Variants in MAMSTR observed in about 807,000 individuals in gnomAD.
MAMSTR encodes MEF2-activating motif and SAP domain-containing transcriptional regulator.
MAMSTR carries 41 observed loss-of-function variants against 42.7 expected under a neutral mutation model. The observed-to-expected ratio is 0.96, with a 90% CI of 0.75 to 1.25. The LOEUF (loss-of-function observed/expected upper bound fraction) is 1.25, where lower values mean the gene tolerates loss of function less well. Among genes scored for constraint, MAMSTR ranks in the 50% most tolerant of loss-of-function variants. MAMSTR has a pLI of 0.00. For synonymous variants in MAMSTR, 265 were observed against 244.1 expected, an observed-to-expected ratio of 1.09 and a Z score of -0.80; for missense variants, 567 against 557.6, an observed-to-expected ratio of 1.02 and a Z score of -0.17.
Position 48,713,758 on chromosome 19 carries a change from G to A in MAMSTR, c.922C>T (p.Arg308Trp), listed in dbSNP as rs200572999. Residue 308 changes from arginine to tryptophan, a missense_variant, in exon 9 of 10, where the codon CGG becomes TGG. Physicochemically the swap from Arg to Trp is moderately radical, Grantham distance 101. Coordinates refer to ENST00000318083, the MANE Select transcript of MAMSTR (RefSeq NM_001130915.2). The part of the protein sequence containing the change: ...AIRRAQLLPN[R>W]GIDDILEDQV... ...TCCTCCAGGATGTCATCGATGCCCC[G>A]GTTAGGAAGCAACTGCGGATGGAGA... 7 of 1,614,102 alleles carry A rather than the reference G, an allele frequency of 4.3e-6. No homozygotes were observed. The highest frequency in any genetic ancestry group is 5.9e-6 in the Non-Finnish European group (7 of 1,180,048).
chr19:48,716,107 G>A (rs1229889934), intron 3 of MAMSTR, among the ~76,000 whole-genome samples: 1 of 152,100 alleles, frequency 6.6e-6, no homozygotes, highest in East Asian at 1.9e-4. Flanking sequence ...CGGCCGCGGT[G>A]GCTCACGCCT....
intron 5 of MAMSTR, 101 bp downstream of exon 5, chr19:48,715,161 T>G (rs1313429587): frequency 1.9e-6 from 2 of 1,077,084 alleles, no homozygotes; most frequent in Non-Finnish European, 2.7e-6. Context: ...GAAGAGAGGG[T>G]TGGGGGCCCC....
At position 48,715,640 on chromosome 19, in the gene MAMSTR, C is replaced by T. The variant is rs1443545368; in HGVS notation, c.225G>A (p.Trp75Ter). 1.3e-6 allele frequency: 2 copies of T among 1,542,880 alleles called. No homozygotes were observed. Among genetic ancestry groups the T allele is most frequent in the Admixed American group, 4.2e-5 (2 of 47,690 alleles). The stretch of plus-strand genomic sequence containing the variant: ...CGAGACTCACCTTCTTTGGGGACCT[C>T]CAAGGAGGACAATATTCTGGCTCGG... ...LLPEPEYCPP[W>*]RSPKKESPKI... Residue 75 changes from tryptophan to a stop codon, truncating the protein, a stop_gained, in exon 4 of 10, where the codon TGG becomes TGA. Transcript: ENST00000318083. LOFTEE classifies it high-confidence loss of function.
downstream of MAMSTR, among the ~76,000 whole-genome samples, chr19:48,710,037 T>C (rs2032700224): frequency 6.6e-6 from 1 of 151,652 alleles, no homozygotes; most frequent in Non-Finnish European, 1.5e-5. Context: ...GCCTGGCTAA[T>C]TTTTTGTATT....
downstream of MAMSTR, among the ~76,000 whole-genome samples, chr19:48,710,710 C>T (rs1304825022): frequency 6.6e-6 from 1 of 151,700 alleles, no homozygotes; most frequent in Non-Finnish European, 1.5e-5. Flanking sequence ...AATTCTCCTG[C>T]CTCAGCCTCC....
chr19:48,718,305 G>GCA (rs1465197176), intron 2 of MAMSTR, among the ~76,000 whole-genome samples: 1 of 151,644 alleles, frequency 6.6e-6, no homozygotes, highest in Non-Finnish European at 1.5e-5. Flanking sequence ...AACCACATAG[G>GCA]CACGCTCACG....
downstream of MAMSTR, among the ~76,000 whole-genome samples, chr19:48,709,354 G>T (rs1274120779): frequency 2.0e-5 from 3 of 152,014 alleles, no homozygotes; most frequent in East Asian, 5.8e-4. Flanking sequence ...CTCCATGTTG[G>T]TCAGGCTGGT....
intron 2 of MAMSTR, among the ~76,000 whole-genome samples, chr19:48,717,697 G>A (rs988112165): frequency 6.7e-6 from 1 of 148,810 alleles, no homozygotes; most frequent in Non-Finnish European, 1.5e-5. Context: ...ACCACACCCG[G>A]CTAATTATTA....
rs1568467078 is a variant in MAMSTR, at chr19:48,713,807, C to A, written c.910-37G>T. On this transcript the variant is annotated intron_variant, in intron 8 of 9. Coordinates refer to ENST00000318083, the MANE Select transcript of MAMSTR (RefSeq NM_001130915.2). ...GAAATTTGGCGTGAACTCGGGACTG[C>A]GACCTGGACCTGACTGGAGAACCCT... The A allele has an allele frequency of 3.1e-6, 5 of 1,614,206 alleles. No individual in the cohort carries two copies. In the East Asian group the frequency reaches 1.1e-4, roughly 36 times the overall value.
At chr19:48,707,961 G>A (rs1243742315), downstream of MAMSTR, among the ~76,000 whole-genome samples, 9 of 151,874 alleles carry the variant, frequency 5.9e-5, no homozygotes, top group Non-Finnish European at 1.2e-4. Context: ...GAGGCCAGGT[G>A]TGGTGACTCA....
downstream of MAMSTR, among the ~76,000 whole-genome samples, chr19:48,708,117 C>A (rs996246208): frequency 6.6e-6 from 1 of 151,704 alleles, no homozygotes; most frequent in African/African-American, 2.4e-5. Context: ...GCCTGTAATC[C>A]CAGCTACTCA....
chr19:48,711,176 C>CTCTTT (rs2032718552), downstream of MAMSTR, among the ~76,000 whole-genome samples: 1 of 152,220 alleles, frequency 6.6e-6, no homozygotes, highest in African/African-American at 2.4e-5. Context: ...GTGCCAGTTT[C>CTCTTT]AAGCCTAGTC....
chr19:48,713,328 GAGA>G lies in MAMSTR; in HGVS notation c.1184_1186del (p.Phe395del). 6.2e-7 allele frequency: 1 copy of G among 1,608,588 alleles called. No individual in the cohort carries two copies. The highest frequency in any genetic ancestry group is 8.5e-7 in the Non-Finnish European group (1 of 1,178,598). ...GCTGCTGGAGTCAGATAAGTCAGCG[GAGA>G]AGATGCTGGGGGGTGGGGGACCAGA... On this transcript the variant is annotated inframe_deletion, in exon 10 of 10. Coordinates refer to ENST00000318083, the MANE Select transcript of MAMSTR (RefSeq NM_001130915.2).
Position 48,713,557 on chromosome 19 carries a change from G to A in MAMSTR, c.965-7C>T, listed in dbSNP as rs1410059356. 9.9e-6 allele frequency: 16 copies of A among 1,608,798 alleles called. No homozygotes were observed. Among genetic ancestry groups the A allele is most frequent in the Middle Eastern group, 1.7e-4 (1 of 5,718 alleles). ...GGAATAGGGGGCAGGGGGTCTGCGGGATAAAGAATGGTACATGAGCTTGGA... is the reference window on the plus strand; with the variant it reads ...GGAATAGGGGGCAGGGGGTCTGCGGAATAAAGAATGGTACATGAGCTTGGA... On this transcript the variant is annotated splice_polypyrimidine_tract_variant and splice_region_variant and intron_variant, in intron 9 of 9. Transcript: ENST00000318083.
At chr19:48,707,130 A>G in the MAMSTR span, among the ~76,000 whole-genome samples, 275 of 146,236 alleles carry the variant, frequency 1.9e-3, 2 homozygotes, top group African/African-American at 6.8e-3. Context: ...AAAATCGAAA[A>G]GATACAGGCC....
chr19:48,714,614 A>G, intron 6 of MAMSTR, 54 bp from the exon 7 acceptor site: 3 of 1,427,982 alleles, frequency 2.1e-6, no homozygotes, highest in Non-Finnish European at 2.8e-6. Context: ...TCCCGGGCGC[A>G]GGCAGGAGCT....
In MAMSTR at chr19:48,719,205, G is replaced by A. The variant is rs1426222170; in HGVS notation, c.-21-153C>T. Among the ~76,000 whole-genome samples, 7 of 152,142 alleles carry A rather than the reference G, an allele frequency of 4.6e-5. No individual in the cohort carries two copies. Among genetic ancestry groups the A allele is most frequent in the Non-Finnish European group, 1.0e-4 (7 of 68,016 alleles). On this transcript the variant is annotated intron_variant, in intron 1 of 9. Transcript: ENST00000318083. The surrounding 1 kb of genome is among the most constrained non-coding windows in gnomAD (Gnocchi z 4.4). ...GGGCCATAACTTCCGGATCCCAGGG[G>A]CTGTAGAGGAGGGGGCTGCACACCC...
chr19:48,713,263 T>G lies in MAMSTR; in HGVS notation c.*4A>C, dbSNP rs1371555701. 4 of 1,584,466 alleles carry G rather than the reference T, an allele frequency of 2.5e-6. No individual in the cohort carries two copies. The African/African-American group carries it at 5.5e-5, about 22-fold the overall frequency. On this transcript the variant is annotated 3_prime_UTR_variant, in exon 10 of 10. Coordinates refer to ENST00000318083, the MANE Select transcript of MAMSTR (RefSeq NM_001130915.2). Reference sequence around the variant, plus strand: ...TTCTCTGTCTCTGTAAATCCTAGAATCCATCACCATGGATCCTCCAGCAGG... The same window carrying G: ...TTCTCTGTCTCTGTAAATCCTAGAAGCCATCACCATGGATCCTCCAGCAGG...
At chr19:48,715,018 C>T in intron 5 of MAMSTR, 110 bp from the exon 6 acceptor site, 1 of 778,012 alleles carries the variant, frequency 1.3e-6, no homozygotes, top group Non-Finnish European at 2.1e-6. Flanking sequence ...AGTGAGGGTC[C>T]AGAATTCTGG....
Sources: gnomAD v4.1 joint callset for allele counts (sites outside exome capture counted in the v4.1 genomes callset) on GRCh38, gnomAD v4.1.1 for gene constraint, Gnocchi (gnomAD v3.1) non-coding constraint, MANE v1.5 for transcripts, NCBI Gene and HGNC (gene_info 2026-07-23, HGNC 2026-07-21) for gene names.